Variants in TRIM14 observed in about 807,000 individuals in gnomAD.
TRIM14 encodes the protein tripartite motif containing 14.
TRIM14 carries 28 observed loss-of-function variants against 44.5 expected under a neutral mutation model. The ratio of observed to expected loss-of-function variants is 0.63; its 90% CI spans 0.47 to 0.86. The LOEUF is 0.86. Among genes scored for constraint, TRIM14 ranks in the 40% least tolerant of loss-of-function variants. The pLI is 0.00. For missense variants in TRIM14, 607 were observed against 611.1 expected, an observed-to-expected ratio of 0.99 and a Z score of 0.07; for synonymous variants, 299 against 269.2, an observed-to-expected ratio of 1.11 and a Z score of -1.08.
At chr9:98,082,993 GAA>G, downstream of TRIM14, 1 of 1,614,184 alleles carries the variant, frequency 6.2e-7, no homozygotes, top group Non-Finnish European at 8.5e-7. Context: ...GGTCACTGTT[GAA>G]GAGGATGACA....
chr9:98,119,196 C>T lies in TRIM14; in HGVS notation c.-8G>A. ...GGTCGCCGCGCCCGCCATTCATCTC[C>T]ACCTCCTCCGGCTCCCCGGGACACA... On this transcript the variant is annotated 5_prime_UTR_variant, in exon 1 of 6. Coordinates refer to ENST00000341469, the MANE Select transcript of TRIM14 (RefSeq NM_014788.4). The T allele has an allele frequency of 2.5e-6, 4 of 1,569,014 alleles. No homozygotes were observed. The highest frequency in any genetic ancestry group is 2.6e-6 in the Non-Finnish European group (3 of 1,168,188).
chr9:98,083,818 A>G (rs1323660111), downstream of TRIM14, among the ~76,000 whole-genome samples: 2 of 152,208 alleles, frequency 1.3e-5, no homozygotes. Flanking sequence ...AATCCCAACT[A>G]CTTAGGAGGC....
the TRIM14 span, chr9:98,056,676 C>T: frequency 7.2e-7 from 1 of 1,382,106 alleles, no homozygotes; most frequent in South Asian, 1.4e-5. Flanking sequence ...GATTGGCTGC[C>T]CGGCGACCGC....
chr9:98,081,089 C>G (rs7030291), downstream of TRIM14: 4,346 of 1,613,992 alleles, frequency 2.7e-3, 112 homozygotes, highest in African/African-American at 0.052. Flanking sequence ...GAAGGTGTGT[C>G]CTGCCGGACT....
chr9:98,079,020 T>G (rs921272979), intron 6 of TRIM14, among the ~76,000 whole-genome samples: 5 of 152,162 alleles, frequency 3.3e-5, no homozygotes, highest in Admixed American at 3.3e-4. Context: ...CTGACTCTCT[T>G]ATTTTCTAAT....
chr9:98,044,476 C>G, the TRIM14 span, among the ~76,000 whole-genome samples: 9 of 149,038 alleles, frequency 6.0e-5, no homozygotes, highest in East Asian at 1.8e-3. Flanking sequence ...CTGGTTCAAG[C>G]TATTCTCCTG....
rs1826777941 is a variant in TRIM14, at chr9:98,109,865, T to G, written c.303+24A>C. On this transcript the variant is annotated intron_variant, in intron 2 of 5. Coordinates refer to ENST00000341469, the MANE Select transcript of TRIM14 (RefSeq NM_014788.4). The stretch of plus-strand genomic sequence containing the variant: ...GGGGAAATGTGGGTCTTTCCATGGG[T>G]ATGAGGAAGAAATGTCCACTTGCCT... The G allele has an allele frequency of 3.8e-6, 6 of 1,590,440 alleles. No homozygotes were observed. The East Asian group carries it at 1.3e-4, about 36-fold the overall frequency.
the TRIM14 span, among the ~76,000 whole-genome samples, chr9:98,051,819 C>A: frequency 2.0e-5 from 3 of 150,888 alleles, no homozygotes; most frequent in Non-Finnish European, 4.4e-5. Flanking sequence ...CTGTGGATTT[C>A]ATTGCAAGGC....
At position 98,111,855 on chromosome 9, in the gene TRIM14, T is replaced by C. The variant is rs189070168; in HGVS notation, c.208-1871A>G. 2.9e-3 allele frequency among the ~76,000 whole-genome samples: 449 copies of C among 152,216 alleles called. 1 individual carries two copies. The highest frequency in any genetic ancestry group is 0.01 in the African/African-American group (425 of 41,526). On this transcript the variant is annotated intron_variant, in intron 1 of 5. Transcript: ENST00000341469. ...CGGGAGGCTGAGGCAGGAGAATCACTTGAACCCAGGAGGCAGAGGTTGCAG... is the reference window on the plus strand; with the variant it reads ...CGGGAGGCTGAGGCAGGAGAATCACCTGAACCCAGGAGGCAGAGGTTGCAG...
chr9:98,111,677 C>T (rs572113131), intron 1 of TRIM14, among the ~76,000 whole-genome samples: 4 of 152,302 alleles, frequency 2.6e-5, no homozygotes, highest in South Asian at 2.1e-4. Context: ...CGGTGGCTAA[C>T]GCCTGTAATC....
chr9:98,042,409 ATT>A, the TRIM14 span, among the ~76,000 whole-genome samples: 2 of 152,068 alleles, frequency 1.3e-5, no homozygotes, highest in African/African-American at 4.8e-5. Context: ...TTTTTCAAGC[ATT>A]TATTCCATTA....
At chr9:98,082,799 C>T (rs1053935275), downstream of TRIM14, 3 of 1,572,082 alleles carry the variant, frequency 1.9e-6, no homozygotes, top group East Asian at 6.8e-5. Context: ...GTAGTGTGCA[C>T]TAGTTACTTC....
At chr9:98,066,653 ATT>A (rs35815359), downstream of TRIM14, among the ~76,000 whole-genome samples, 4 of 143,446 alleles carry the variant, frequency 2.8e-5, no homozygotes, top group Admixed American at 7.0e-5. Context: ...CCACTTACCG[ATT>A]TTTTTTTTTT....
chr9:98,044,608 G>A, the TRIM14 span, among the ~76,000 whole-genome samples: 4 of 152,048 alleles, frequency 2.6e-5, 1 homozygote, highest in East Asian at 1.9e-4. Context: ...TCCTGACCTC[G>A]TGATCTGCCC....
At chr9:98,060,011 C>T in the TRIM14 span, among the ~76,000 whole-genome samples, 2 of 152,136 alleles carry the variant, frequency 1.3e-5, no homozygotes, top group Non-Finnish European at 2.9e-5. Context: ...GTAGCCCAAA[C>T]TGCTTTTATA....
chr9:98,076,795 T>A (rs971326611), intron 6 of TRIM14: 4 of 702,194 alleles, frequency 5.7e-6, no homozygotes, highest in Non-Finnish European at 9.6e-6. Flanking sequence ...GCTTTCAAGT[T>A]GCTGAGCGTC....
the TRIM14 span, among the ~76,000 whole-genome samples, chr9:98,051,969 A>G: frequency 6.6e-6 from 1 of 152,160 alleles, no homozygotes; most frequent in African/African-American, 2.4e-5. Flanking sequence ...CCAAGCGTGC[A>G]AAGAGCCAAG....
Position 98,084,676 on chromosome 9 carries a change from T to A in TRIM14, c.*2794A>T, listed in dbSNP as rs1825703467. On this transcript the variant is annotated 3_prime_UTR_variant, in exon 6 of 6. Transcript: ENST00000341469. Reference sequence around the variant, plus strand: ...ATGATACAGCAGTATATATGTTTTTTTTGTTTTTTTTGAGACAAGAGTCTT... The same window carrying A: ...ATGATACAGCAGTATATATGTTTTTATTGTTTTTTTTGAGACAAGAGTCTT... 6.6e-6 allele frequency: 1 copy of A among 152,126 alleles called. No homozygotes were observed. Among genetic ancestry groups the A allele is most frequent in the Non-Finnish European group, 1.5e-5 (1 of 68,044 alleles). The allele number at this position is 152,126 out of a possible 1,614,324, so 9.4% of individuals were successfully genotyped here. A position where few individuals can be genotyped will look rare whatever the true frequency, so the allele number is the denominator to read the frequency against.
At chr9:98,056,862 G>A in the TRIM14 span, 1 of 1,612,218 alleles carries the variant, frequency 6.2e-7, no homozygotes, top group South Asian at 1.1e-5. Context: ...GGCAACACCC[G>A]TGCTTCATCA....
Sources: gnomAD v4.1 joint callset for allele counts (sites outside exome capture counted in the v4.1 genomes callset) on GRCh38, gnomAD v4.1.1 for gene constraint, MANE v1.5 for transcripts, NCBI Gene and HGNC (gene_info 2026-07-23, HGNC 2026-07-21) for gene names.